Variants in FAM149A observed in about 807,000 individuals in gnomAD.
The protein encoded by FAM149A is family with sequence similarity 149 member A.
FAM149A carries 71 observed loss-of-function variants against 78.2 expected under a neutral mutation model. The observed-to-expected ratio is 0.91, with a 90% CI of 0.75 to 1.11. FAM149A has a LOEUF of 1.11. Among genes scored for constraint, FAM149A ranks in the 50% least tolerant of loss-of-function variants. The pLI, the probability that FAM149A is intolerant of heterozygous loss-of-function variation, is 0.00. For synonymous variants in FAM149A, 446 were observed against 410.5 expected (o/e 1.09, Z -1.04); for missense variants, 1,036 against 971.0 (o/e 1.07, Z -0.89).
Position 186,126,925 on chromosome 4 carries a change from G to C in FAM149A, c.566+21283G>C, listed in dbSNP as rs367712268. 2.9e-5 allele frequency: 29 copies of C among 985,378 alleles called. No individual in the cohort carries two copies. The African/African-American group carries it at 4.9e-4, about 17-fold the overall frequency. 61.0% of individuals were successfully genotyped at this position (985,378 alleles called of 1,614,324 possible). A position where few individuals can be genotyped will look rare whatever the true frequency, so the allele number is the denominator to read the frequency against. ...TAAATGGGCGGTGTATCACAATTCT[G>C]TGGTGATTTTGAGCTAATTTTCTGC... On this transcript the variant is annotated intron_variant, in intron 1 of 13. Coordinates refer to ENST00000389354, the MANE Select transcript of FAM149A (RefSeq NM_001367768.3).
intron 1 of FAM149A, chr4:186,117,856 T>C (rs2150087268): frequency 2.1e-6 from 2 of 953,130 alleles, no homozygotes; most frequent in Non-Finnish European, 2.5e-6. Flanking sequence ...AAGAAAGATA[T>C]TGAACTGACA....
chr4:186,134,080 C>T (rs770140641), intron 1 of FAM149A, among the ~76,000 whole-genome samples: 21 of 152,184 alleles, frequency 1.4e-4, no homozygotes, highest in South Asian at 2.1e-4. Context: ...CACCATTTTA[C>T]GTTTCCACCG....
intron 1 of FAM149A, among the ~76,000 whole-genome samples, chr4:186,145,834 T>G (rs1732996038): frequency 6.6e-6 from 1 of 152,214 alleles, no homozygotes; most frequent in South Asian, 2.1e-4. Flanking sequence ...ACCTGTGGGA[T>G]GCATCCTGTA....
intron 1 of FAM149A, chr4:186,118,252 C>T: frequency 1.0e-6 from 1 of 985,090 alleles, no homozygotes; most frequent in Non-Finnish European, 1.2e-6. Flanking sequence ...TCAAGACCCT[C>T]TGAAATGAGG....
chr4:186,126,280 A>ATTTAT (rs1475134972), intron 1 of FAM149A, among the ~76,000 whole-genome samples: 1 of 152,096 alleles, frequency 6.6e-6, no homozygotes, highest in Non-Finnish European at 1.5e-5. Context: ...GCTAGATAGA[A>ATTTAT]TTTATTCACT....
At chr4:186,132,956 G>A (rs1579826274) in intron 1 of FAM149A, 2 of 985,000 alleles carry the variant, frequency 2.0e-6, no homozygotes, top group South Asian at 4.7e-5. Flanking sequence ...GGTATTTGGA[G>A]ATGGATTTTT....
In FAM149A at chr4:186,164,181, C is replaced by T. The variant is rs1462853321; in HGVS notation, c.1889+548C>T. Among the ~76,000 whole-genome samples, 1 of 152,162 alleles carries T rather than the reference C, an allele frequency of 6.6e-6. No individual in the cohort carries two copies. The highest frequency in any genetic ancestry group is 2.4e-5 in the African/African-American group (1 of 41,424). On this transcript the variant is annotated intron_variant, in intron 10 of 13. Transcript: ENST00000389354. This position sits in a 1 kb window ranked among gnomAD's most constrained non-coding sequence, Gnocchi z 4.0. ...CCAATACTTACATTGATAATAATAG[C>T]TAATGTTTATTGATCACTTTCTTTG...
chr4:186,161,081 G>A (rs986457805), intron 8 of FAM149A, among the ~76,000 whole-genome samples: 6 of 152,088 alleles, frequency 3.9e-5, no homozygotes, highest in Non-Finnish European at 8.8e-5. Context: ...ATAATCCTTT[G>A]TAATTAGATT....
chr4:186,117,477 C>G, intron 1 of FAM149A: 1 of 985,396 alleles, frequency 1.0e-6, no homozygotes, highest in Non-Finnish European at 1.2e-6. Context: ...GGAGATGATG[C>G]TGAACGAGGG....
At chr4:186,147,142 G>A (rs1733116370) in intron 1 of FAM149A, among the ~76,000 whole-genome samples, 1 of 152,192 alleles carries the variant, frequency 6.6e-6, no homozygotes, top group Non-Finnish European at 1.5e-5. Flanking sequence ...CAGCAGTTTT[G>A]GAGGCCAAGG....
rs141900902 is a variant in FAM149A, at chr4:186,130,314, T to TATATATATATATATATATATATAA, written c.567-18858_567-18857insTATATATATATATATATATATAAA. Among the ~76,000 whole-genome samples, 141 of 116,440 alleles carry TATATATATATATATATATATATAA rather than the reference T, an allele frequency of 1.2e-3. 3 individuals are homozygous for TATATATATATATATATATATATAA. Among genetic ancestry groups the TATATATATATATATATATATATAA allele is most frequent in the African/African-American group, 4.1e-3 (117 of 28,502 alleles). The allele number at this position is 116,440 out of a possible 152,430, so 76.4% of individuals were successfully genotyped here. On this transcript the variant is annotated intron_variant, in intron 1 of 13. Coordinates refer to ENST00000389354, the MANE Select transcript of FAM149A (RefSeq NM_001367768.3). Reference sequence around the variant, plus strand: ...CTCTCTATATATATATATATATATATAATCTATATCGACAGAACTAAAAGG... The same window carrying TATATATATATATATATATATATAA: ...CTCTCTATATATATATATATATATATATATATATATATATATATATATAAAATCTATATCGACAGAACTAAAAGG...
intron 1 of FAM149A, chr4:186,130,122 T>C (rs936674752): frequency 2.0e-5 from 3 of 152,036 alleles, no homozygotes; most frequent in Non-Finnish European, 4.4e-5. Context: ...TCCATCAGCC[T>C]GTGGTAGCCA....
chr4:186,110,078 C>G (rs2099310573), intron 1 of FAM149A: 2 of 985,268 alleles, frequency 2.0e-6, no homozygotes, highest in Non-Finnish European at 2.4e-6. Flanking sequence ...CATCTTATGT[C>G]CATTATCAGA....
intron 3 of FAM149A, among the ~76,000 whole-genome samples, chr4:186,150,579 C>T (rs1431926351): frequency 4.5e-5 from 2 of 44,246 alleles, no homozygotes; most frequent in East Asian, 1.2e-3. Flanking sequence ...ACCACCACGC[C>T]CGGCTAATTT....
At chr4:186,145,059 C>T (rs776367793) in intron 1 of FAM149A, 3 of 983,784 alleles carry the variant, frequency 3.0e-6, no homozygotes, top group Non-Finnish European at 3.6e-6. Flanking sequence ...CCGAGCCTAG[C>T]GCGGAGCCTG....
At chr4:186,132,201 T>C (rs938709779) in intron 1 of FAM149A, 4 of 985,320 alleles carry the variant, frequency 4.1e-6, no homozygotes, top group Admixed American at 6.1e-5. Flanking sequence ...TAAAGACCTG[T>C]TTTCTATATC....
intron 1 of FAM149A, among the ~76,000 whole-genome samples, chr4:186,128,094 A>T (rs147473585): frequency 0.014 from 2,091 of 146,930 alleles, 49 homozygotes; most frequent in African/African-American, 0.05. Context: ...GAGTTCAAGC[A>T]ATTCTCCTGC....
intron 13 of FAM149A, chr4:186,171,379 G>A (rs920817944): frequency 4.6e-5 from 7 of 152,336 alleles, no homozygotes; most frequent in African/African-American, 1.7e-4. Context: ...TCCATAAGAG[G>A]GATCTTCCTG....
chr4:186,160,153 CTA>C (rs1491414718), intron 8 of FAM149A, among the ~76,000 whole-genome samples: 5 of 141,884 alleles, frequency 3.5e-5, no homozygotes, highest in African/African-American at 1.3e-4. Context: ...CATACACACA[CTA>C]CACGCACACA....
Sources: allele counts gnomAD v4.1 joint callset (sites outside exome capture counted in the v4.1 genomes callset), GRCh38; gene constraint gnomAD v4.1.1; non-coding constraint Gnocchi (gnomAD v3.1); transcripts MANE v1.5; gene names NCBI Gene and HGNC (gene_info 2026-07-23, HGNC 2026-07-21).